The following AGBL1 variants were observed in gnomAD, a reference collection of about 807,000 sequenced individuals.
AGBL1 encodes AGBL carboxypeptidase 1, also known as cytosolic carboxypeptidase 4.
Under a neutral mutation model 118.9 loss-of-function variants are expected in AGBL1, and 130 were observed. The ratio of observed to expected loss-of-function variants is 1.09; its 90% CI spans 0.95 to 1.26. AGBL1 has a LOEUF of 1.26. Among genes scored for constraint, AGBL1 ranks in the 50% most tolerant of loss-of-function variants. The pLI is 0.00. For missense variants in AGBL1, 1,584 were observed against 1,298.1 expected, an observed-to-expected ratio of 1.22 and a Z score of -3.38; for synonymous variants, 555 against 478.9, an observed-to-expected ratio of 1.16 and a Z score of -2.08.
chr15:86,978,633 A>G (rs1305473288), intron 23 of AGBL1, among the ~76,000 whole-genome samples: 1 of 152,176 alleles, frequency 6.6e-6, no homozygotes, highest in African/African-American at 2.4e-5. Context: ...CAGGTGAAGG[A>G]GTGAACATGT....
At chr15:86,327,987 A>G (rs963533050) in intron 17 of AGBL1, among the ~76,000 whole-genome samples, 1 of 152,204 alleles carries the variant, frequency 6.6e-6, no homozygotes, top group East Asian at 1.9e-4. Flanking sequence ...CCCCATACCT[A>G]TATGAGCAAG....
intron 5 of AGBL1, among the ~76,000 whole-genome samples, chr15:86,166,318 T>C: frequency 1.3e-5 from 2 of 152,308 alleles, no homozygotes; most frequent in East Asian, 1.9e-4. Context: ...AATGATGTAG[T>C]GTATGAGGAA....
chr15:86,902,970 T>C (rs767168731), intron 22 of AGBL1, among the ~76,000 whole-genome samples: 2 of 152,214 alleles, frequency 1.3e-5, no homozygotes, highest in Non-Finnish European at 2.9e-5. Context: ...TAGGACATTT[T>C]CAGACATTAT....
At position 86,817,318 on chromosome 15, in the gene AGBL1, AC is replaced by A. The variant is rs2078873589; in HGVS notation, c.3159-89768del. Among the ~76,000 whole-genome samples, 4 of 151,790 alleles carry A rather than the reference AC, an allele frequency of 2.6e-5. No homozygotes were observed. The South Asian group carries it at 8.3e-4, about 32-fold the overall frequency. On this transcript the variant is annotated intron_variant, in intron 22 of 22. Coordinates refer to ENST00000614907, the MANE Select transcript of AGBL1 (RefSeq NM_001386094.1). ...GAAAAAAAAAAAAAAAAACCACCAA[AC>A]TTAAGGCATGGGCCAAGCCTTCTAA...
At chr15:86,992,354 C>G (rs1029487345) in intron 24 of AGBL1, among the ~76,000 whole-genome samples, 1 of 152,078 alleles carries the variant, frequency 6.6e-6, no homozygotes, top group African/African-American at 2.4e-5. Context: ...AGGGAAACAT[C>G]GGAACTATGT....
At chr15:86,917,337 T>C (rs1341057398), downstream of AGBL1, among the ~76,000 whole-genome samples, 1 of 152,196 alleles carries the variant, frequency 6.6e-6, no homozygotes, top group Non-Finnish European at 1.5e-5. The surrounding 1 kb of genome is among the most constrained non-coding windows in gnomAD (Gnocchi z 4.8). Flanking sequence ...TCATCGACCT[T>C]GTCTCTCAGC....
intron 18 of AGBL1, among the ~76,000 whole-genome samples, chr15:86,485,168 C>T (rs775101920): frequency 3.9e-5 from 6 of 152,108 alleles, no homozygotes; most frequent in Non-Finnish European, 7.4e-5. Flanking sequence ...GGTCTGTGGG[C>T]CAGTATCACT....
At chr15:86,937,631 A>G (rs2080692397) in intron 23 of AGBL1, among the ~76,000 whole-genome samples, 1 of 152,168 alleles carries the variant, frequency 6.6e-6, no homozygotes, top group African/African-American at 2.4e-5. Context: ...AAAACAATAG[A>G]CACTGAGTTC....
At chr15:86,526,856 G>C (rs769676867) in intron 19 of AGBL1, among the ~76,000 whole-genome samples, 1 of 151,890 alleles carries the variant, frequency 6.6e-6, no homozygotes, top group Admixed American at 6.6e-5. Flanking sequence ...AACAGAAGGG[G>C]GTTGGTGGGA....
chr15:86,951,349 A>T (rs1002775836), intron 23 of AGBL1, among the ~76,000 whole-genome samples: 1 of 152,184 alleles, frequency 6.6e-6, no homozygotes, highest in African/African-American at 2.4e-5. Context: ...AAGACAAATA[A>T]ATACTTACGT....
chr15:86,286,739 A>ATATATATATATATATATATATATATG lies in AGBL1; in HGVS notation c.2220+6966_2220+6967insTATATATATATATATGTATATATATA, dbSNP rs1223146019. ...TGTGTGTGTGTGTTTGTGTGTGTAT[A>ATATATATATATATATATATATATATG]TATATATATAAAACTCCATCAATGC... On this transcript the variant is annotated intron_variant, in intron 16 of 22. Transcript: ENST00000614907. Among the ~76,000 whole-genome samples, 256 of 137,058 alleles carry ATATATATATATATATATATATATATG rather than the reference A, an allele frequency of 1.9e-3. 15 individuals carry two copies. The highest frequency in any genetic ancestry group is 5.1e-3 in the African/African-American group (169 of 32,966). The allele number at this position is 137,058 out of a possible 152,430, so 89.9% of individuals were successfully genotyped here.
At chr15:86,670,163 A>C (rs768608451) in intron 21 of AGBL1, among the ~76,000 whole-genome samples, 1 of 151,918 alleles carries the variant, frequency 6.6e-6, no homozygotes, top group Non-Finnish European at 1.5e-5. Context: ...ATTTTGGTTC[A>C]GTTTATTAGG....
chr15:86,205,868 G>A (rs1317401701), intron 5 of AGBL1, among the ~76,000 whole-genome samples: 1 of 152,090 alleles, frequency 6.6e-6, no homozygotes, highest in Non-Finnish European at 1.5e-5. Context: ...TAGGGTACAT[G>A]GGCACAACGT....
intron 22 of AGBL1, among the ~76,000 whole-genome samples, chr15:86,877,369 A>G (rs2079825515): frequency 6.6e-6 from 1 of 152,182 alleles, no homozygotes. Context: ...GTGTGTCACT[A>G]GTCTTGGCCG....
intron 22 of AGBL1, among the ~76,000 whole-genome samples, chr15:86,866,362 G>T (rs759659566): frequency 2.0e-5 from 3 of 152,236 alleles, no homozygotes; most frequent in East Asian, 1.9e-4. Flanking sequence ...ACTTCATGTC[G>T]CTATGGCATT....
intron 22 of AGBL1, among the ~76,000 whole-genome samples, chr15:86,749,646 T>G (rs1474577612): frequency 6.6e-6 from 1 of 152,158 alleles, no homozygotes; most frequent in South Asian, 2.1e-4. Context: ...TGGCTGTGGG[T>G]TTGTCATAAA....
chr15:86,083,556 A>C (rs545926134), intron 1 of AGBL1: 2 of 152,184 alleles, frequency 1.3e-5, no homozygotes, highest in African/African-American at 4.8e-5. Context: ...CAAGAACACC[A>C]TCTATTATGG....
At chr15:86,236,932 C>CG (rs1261815080) in intron 6 of AGBL1, among the ~76,000 whole-genome samples, 730 of 9,212 alleles carry the variant, frequency 0.079, 98 homozygotes, top group African/African-American at 0.25. Context: ...GATATGTGGG[C>CG]GGGGGGGGGC....
chr15:86,511,752 A>G (rs569364736), intron 18 of AGBL1, among the ~76,000 whole-genome samples: 1 of 152,128 alleles, frequency 6.6e-6, no homozygotes, highest in South Asian at 2.1e-4. Flanking sequence ...GATTGAGATA[A>G]TGGTGATTGG....
Sources: allele counts gnomAD v4.1 joint callset (sites outside exome capture counted in the v4.1 genomes callset), GRCh38; gene constraint gnomAD v4.1.1; non-coding constraint Gnocchi (gnomAD v3.1); transcripts MANE v1.5; gene names NCBI Gene and HGNC (gene_info 2026-07-23, HGNC 2026-07-21).